Variants in HS3ST5 observed in about 807,000 individuals in gnomAD.
The protein encoded by HS3ST5 is heparan sulfate glucosamine 3-O-sulfotransferase 5.
In HS3ST5, 10 loss-of-function variants were observed where a neutral mutation model predicts 25.4. The observed-to-expected ratio is 0.39, with a 90% CI of 0.24 to 0.67. The LOEUF is 0.67. HS3ST5 is among the 30% of genes least tolerant of loss of function. The pLI is 0.44. For synonymous variants in HS3ST5, 170 were observed against 162.4 expected (o/e 1.05, Z -0.36); for missense variants, 324 against 420.7 (o/e 0.77, Z 2.01).
intron 3 of HS3ST5, among the ~76,000 whole-genome samples, chr6:114,127,855 T>G (rs7740577): frequency 0.32 from 46,585 of 146,820 alleles, 7,386 homozygotes; most frequent in Middle Eastern, 0.35. Flanking sequence ...TATATATATA[T>G]AGAGAGAGAG....
intron 1 of HS3ST5, among the ~76,000 whole-genome samples, chr6:114,306,551 T>A (rs1045895303): frequency 1.3e-5 from 2 of 152,016 alleles, no homozygotes; most frequent in Non-Finnish European, 2.9e-5. Context: ...CTAAAGTGTT[T>A]CTATATTTTA....
intron 2 of HS3ST5, among the ~76,000 whole-genome samples, chr6:114,175,945 T>C (rs964197011): frequency 6.6e-6 from 1 of 152,222 alleles, no homozygotes. Flanking sequence ...TTATGTCTTA[T>C]CTTGAAGTAT....
intron 2 of HS3ST5, among the ~76,000 whole-genome samples, chr6:114,195,143 G>A (rs1388498090): frequency 6.6e-6 from 1 of 152,144 alleles, no homozygotes; most frequent in Non-Finnish European, 1.5e-5. Flanking sequence ...GAGCCACTAA[G>A]GAACTGCTGT....
chr6:114,271,282 T>C (rs1773627882), intron 1 of HS3ST5, among the ~76,000 whole-genome samples: 1 of 152,090 alleles, frequency 6.6e-6, no homozygotes, highest in Non-Finnish European at 1.5e-5. Flanking sequence ...TCAGGCCCAC[T>C]CCCTGGTTTC....
intron 2 of HS3ST5, among the ~76,000 whole-genome samples, chr6:114,213,363 C>A (rs1781604833): frequency 6.6e-6 from 1 of 150,578 alleles, no homozygotes. Context: ...GTGGGCAGGG[C>A]AGGCAAAGCT....
chr6:114,314,624 T>C (rs1582810212), intron 1 of HS3ST5, among the ~76,000 whole-genome samples: 1 of 152,236 alleles, frequency 6.6e-6, no homozygotes, highest in South Asian at 2.1e-4. Flanking sequence ...AGTTCTTTTG[T>C]GTGTATGCTC....
intron 3 of HS3ST5, among the ~76,000 whole-genome samples, chr6:114,153,869 A>G (rs937593806): frequency 3.3e-5 from 5 of 152,214 alleles, no homozygotes; most frequent in Non-Finnish European, 7.3e-5. Context: ...GGAAACTAAG[A>G]TGCAGAAAGG....
chr6:114,149,375 T>C (rs1388697073), intron 3 of HS3ST5, among the ~76,000 whole-genome samples: 1 of 152,098 alleles, frequency 6.6e-6, no homozygotes, highest in Admixed American at 6.5e-5. Flanking sequence ...ATGTGGCAAA[T>C]GTACACCATG....
chr6:114,191,049 C>A (rs2114299203), intron 2 of HS3ST5, among the ~76,000 whole-genome samples: 1 of 152,234 alleles, frequency 6.6e-6, no homozygotes, highest in African/African-American at 2.4e-5. Flanking sequence ...AAAATGACTT[C>A]AACTGTTGAC....
chr6:114,186,483 A>C (rs778258065), intron 2 of HS3ST5, among the ~76,000 whole-genome samples: 9 of 152,154 alleles, frequency 5.9e-5, no homozygotes, highest in Non-Finnish European at 1.2e-4. Flanking sequence ...GAAAGGTCCT[A>C]ACTGTTTAAT....
At chr6:114,079,510 A>G (rs1244913757) in intron 3 of HS3ST5, among the ~76,000 whole-genome samples, 1 of 152,120 alleles carries the variant, frequency 6.6e-6, no homozygotes, top group African/African-American at 2.4e-5. Flanking sequence ...GATTCCACTA[A>G]TTCTCTTGCT....
At chr6:114,207,295 T>C (rs1298073502) in intron 2 of HS3ST5, among the ~76,000 whole-genome samples, 3 of 152,146 alleles carry the variant, frequency 2.0e-5, no homozygotes, top group Non-Finnish European at 4.4e-5. Flanking sequence ...TAATAAAAAA[T>C]GTTGAAAAGA....
chr6:114,160,973 T>G (rs1778916665), intron 3 of HS3ST5, among the ~76,000 whole-genome samples: 1 of 152,190 alleles, frequency 6.6e-6, no homozygotes, highest in Non-Finnish European at 1.5e-5. Context: ...AAAGTATTAA[T>G]TTCTACTCCA....
At chr6:114,203,289 G>GCTAT (rs1781114065) in intron 2 of HS3ST5, among the ~76,000 whole-genome samples, 1 of 152,168 alleles carries the variant, frequency 6.6e-6, no homozygotes, top group South Asian at 2.1e-4. Flanking sequence ...AACCTCACAA[G>GCTAT]CTATCTGCCT....
At chr6:114,289,375 A>G (rs866233020) in intron 1 of HS3ST5, among the ~76,000 whole-genome samples, 10 of 152,108 alleles carry the variant, frequency 6.6e-5, no homozygotes, top group Admixed American at 6.6e-4. Context: ...TGAAAATATT[A>G]TATGTTCTAC....
At chr6:114,164,490 A>G (rs1779114337) in intron 3 of HS3ST5, among the ~76,000 whole-genome samples, 1 of 152,192 alleles carries the variant, frequency 6.6e-6, no homozygotes, top group African/African-American at 2.4e-5. Flanking sequence ...AAATTCAGCA[A>G]TTGATCATAG....
intron 2 of HS3ST5, among the ~76,000 whole-genome samples, chr6:114,215,195 T>A (rs1250837693): frequency 6.6e-6 from 1 of 151,590 alleles, no homozygotes; most frequent in Non-Finnish European, 1.5e-5. Flanking sequence ...AGTCTCAGCT[T>A]CTCGGGAGGC....
At chr6:114,199,926 G>A (rs1780933292) in intron 2 of HS3ST5, among the ~76,000 whole-genome samples, 1 of 152,130 alleles carries the variant, frequency 6.6e-6, no homozygotes, top group Admixed American at 6.5e-5. Context: ...AAAGATATGA[G>A]GTTTGGGCAG....
At chr6:114,132,306 C>T (rs541401786) in intron 3 of HS3ST5, 9 of 152,260 alleles carry the variant, frequency 5.9e-5, no homozygotes, top group African/African-American at 1.7e-4. Flanking sequence ...TCAGCAAATG[C>T]GATTTTGTTT....
Sources: gnomAD v4.1 joint callset for allele counts (sites outside exome capture counted in the v4.1 genomes callset) on GRCh38, gnomAD v4.1.1 for gene constraint, MANE v1.5 for transcripts, NCBI Gene and HGNC (gene_info 2026-07-23, HGNC 2026-07-21) for gene names.